The following PGAM5 variants were observed in gnomAD, a reference collection of about 807,000 sequenced individuals.
PGAM5 encodes serine/threonine-protein phosphatase PGAM5, mitochondrial.
A neutral mutation model predicts 30.6 loss-of-function variants in PGAM5; 25 were observed. That is an observed-to-expected ratio of 0.82 (90% confidence interval 0.60 to 1.14). The LOEUF is 1.14. Among genes scored for constraint, PGAM5 ranks in the 50% most tolerant of loss-of-function variants. PGAM5 has a pLI of 0.00. For missense variants in PGAM5, 384 were observed against 408.5 expected, an observed-to-expected ratio of 0.94 and a Z score of 0.52; for synonymous variants, 201 against 179.1, an observed-to-expected ratio of 1.12 and a Z score of -0.98.
intron 1 of PGAM5, among the ~76,000 whole-genome samples, chr12:132,713,192 G>A (rs1412824949): frequency 1.3e-5 from 2 of 152,092 alleles, no homozygotes; most frequent in African/African-American, 2.4e-5. Flanking sequence ...AAGTAGAACC[G>A]GGAGCTGAGC....
rs1320973145 is a variant in PGAM5 at position 132,710,921 on chromosome 12, CG to C, written c.50del (p.Gly17AlafsTer12). On this transcript the variant is annotated frameshift_variant, in exon 1 of 6. Transcript: ENST00000498926. LOFTEE classifies it high-confidence loss of function. ...ALQLAACGLA[G>X]GSAAVLFSAV... Reference sequence around the variant, plus strand: ...TGCAGCTGGCGGCCTGCGGGCTGGCCGGGGGCTCGGCCGCCGTGCTCTTCTC... The same window carrying C: ...TGCAGCTGGCGGCCTGCGGGCTGGCCGGGGCTCGGCCGCCGTGCTCTTCTC... The C allele has an allele frequency of 6.9e-6, 8 of 1,156,750 alleles. No homozygotes were observed. The highest frequency in any genetic ancestry group is 8.4e-5 in the East Asian group (2 of 23,708). The allele number at this position is 1,156,750 out of a possible 1,614,324, so 71.7% of individuals were successfully genotyped here. A position where few individuals can be genotyped will look rare whatever the true frequency, so the allele number is the denominator to read the frequency against.
In PGAM5 at chr12:132,717,813, G is replaced by A. The variant is rs773948322; in HGVS notation, c.585+15G>A. The A allele has an allele frequency of 2.5e-6, 4 of 1,577,464 alleles. No individual in the cohort carries two copies. Among genetic ancestry groups the A allele is most frequent in the Non-Finnish European group, 1.7e-6 (2 of 1,162,386 alleles). On this transcript the variant is annotated intron_variant, in intron 4 of 5. Coordinates refer to ENST00000498926, the MANE Select transcript of PGAM5 (RefSeq NM_001170543.2). ...CGGAAGCTGTGGTAAAAACCTCCCC[G>A]GGGGGCAGCTGTGTCACCCTCGCCT...
intron 2 of PGAM5, among the ~76,000 whole-genome samples, chr12:132,715,464 G>C (rs1041796572): frequency 6.7e-5 from 10 of 149,424 alleles, no homozygotes; most frequent in Admixed American, 2.0e-4. Context: ...CCAGCTACTC[G>C]GGAAGCTGAG....
chr12:132,716,321 G>A (rs1304748757), intron 2 of PGAM5, among the ~76,000 whole-genome samples: 1 of 151,962 alleles, frequency 6.6e-6, no homozygotes, highest in Non-Finnish European at 1.5e-5. Flanking sequence ...TCCTGACCTT[G>A]TGATCCACCC....
chr12:132,714,694 A>C, intron 1 of PGAM5, 164 bp from the exon 2 acceptor site: 1 of 681,712 alleles, frequency 1.5e-6, no homozygotes, highest in Non-Finnish European at 2.4e-6. Context: ...TGGGAGGGAG[A>C]GTGGCGGTAT....
intron 5 of PGAM5, among the ~76,000 whole-genome samples, chr12:132,719,546 A>G (rs773309492): frequency 6.6e-6 from 1 of 152,114 alleles, no homozygotes; most frequent in African/African-American, 2.4e-5. Context: ...AATGAGCCAT[A>G]TGGGTGGCTT....
intron 5 of PGAM5, chr12:132,719,146 C>T (rs1474100060): frequency 3.9e-6 from 5 of 1,292,752 alleles, no homozygotes; most frequent in Non-Finnish European, 4.9e-6. Flanking sequence ...CCAAATCTCA[C>T]TAAATGCAAA....
At chr12:132,720,195 C>A (rs114861484) in intron 5 of PGAM5, among the ~76,000 whole-genome samples, 4,540 of 151,714 alleles carry the variant, frequency 0.03, 226 homozygotes, top group African/African-American at 0.1. Flanking sequence ...TGTACCCCGG[C>A]CCTGAGGCTG....
chr12:132,711,153 AGGTTGCGATCG>A, intron 1 of PGAM5, 86 bp downstream of exon 1: 1 of 1,032,660 alleles, frequency 9.7e-7, no homozygotes, highest in Non-Finnish European at 1.2e-6. Flanking sequence ...ACCAGGTTTA[AGGTTGCGATCG>A]GGTCGGGATC....
chr12:132,717,218 C>G lies in PGAM5; in HGVS notation c.371-221C>G, dbSNP rs540532992. Among the ~76,000 whole-genome samples, 15 of 152,204 alleles carry G rather than the reference C, an allele frequency of 9.9e-5. No homozygotes were observed. The East Asian group carries it at 2.9e-3, about 29-fold the overall frequency. ...GGGGGTGAAGACAGTTGAGTGCCGG[C>G]CCCTCTGGCCCAAGCCTCGGGCGGG... On this transcript the variant is annotated intron_variant, in intron 2 of 5. Transcript: ENST00000498926.
At chr12:132,712,668 C>G (rs1443072788) in intron 1 of PGAM5, among the ~76,000 whole-genome samples, 1 of 151,748 alleles carries the variant, frequency 6.6e-6, no homozygotes, top group Non-Finnish European at 1.5e-5. Flanking sequence ...GTCGGTCAGG[C>G]TGGTCTTGAA....
chr12:132,712,549 C>A lies in PGAM5; in HGVS notation c.191+1482C>A, dbSNP rs561423761. ...TCGGCTCACTGCAACCTCCGCCTCC[C>A]GGGTTCAAGCAATTCTCCTGCCTCA... On this transcript the variant is annotated intron_variant, in intron 1 of 5. Transcript: ENST00000498926. Among the ~76,000 whole-genome samples, 29 of 152,242 alleles carry A rather than the reference C, an allele frequency of 1.9e-4. 1 individual carries two copies. The South Asian group carries it at 3.9e-3, about 21-fold the overall frequency.
intron 1 of PGAM5, 85 bp from the exon 2 acceptor site, chr12:132,714,773 T>G: frequency 1.4e-6 from 2 of 1,480,802 alleles, no homozygotes; most frequent in Non-Finnish European, 1.9e-6. Context: ...CCAAATAGTC[T>G]GACAATTTGG....
At chr12:132,711,830 T>C (rs1448326235) in intron 1 of PGAM5, 1 of 152,188 alleles carries the variant, frequency 6.6e-6, no homozygotes, top group Non-Finnish European at 1.5e-5. Context: ...ATTAGTTATG[T>C]GTTGAAATAG....
rs151134157 is a variant in PGAM5 at position 132,717,812 on chromosome 12, CG to C, written c.585+20del. 5.1e-6 allele frequency: 8 copies of C among 1,578,286 alleles called. No homozygotes were observed. The highest frequency in any genetic ancestry group is 1.8e-5 in the Admixed American group (1 of 54,588). On this transcript the variant is annotated intron_variant, in intron 4 of 5. Transcript: ENST00000498926. ...CCGGAAGCTGTGGTAAAAACCTCCC[CG>C]GGGGGCAGCTGTGTCACCCTCGCCT...
rs1038157502 is a variant in PGAM5 at position 132,721,276 on chromosome 12, T to C, written c.*448T>C. The C allele has an allele frequency of 1.3e-5, 2 of 153,368 alleles. No homozygotes were observed. Among genetic ancestry groups the C allele is most frequent in the Non-Finnish European group, 2.9e-5 (2 of 68,860 alleles). The allele number at this position is 153,368 out of a possible 1,614,324, so 9.5% of individuals were successfully genotyped here. ...CTTTTAATTTCTTAAAACCCTCTTG[T>C]CCCTTAAATATTTGTCAATTAAAGA... On this transcript the variant is annotated 3_prime_UTR_variant, in exon 6 of 6. Transcript: ENST00000498926.
Position 132,711,190 on chromosome 12 carries a change from C to T in PGAM5, c.191+123C>T, listed in dbSNP as rs1198846093. On this transcript the variant is annotated intron_variant, in intron 1 of 5. Transcript: ENST00000498926. ...GGTCGGGATCTGGGGTCGCCGTCTG[C>T]TTTCCCCAGCGGAGGAGCCGCTTTC... is the stretch of plus-strand genomic sequence containing the variant. 8 of 777,298 alleles carry T rather than the reference C, an allele frequency of 1.0e-5. No individual in the cohort carries two copies. The South Asian group carries it at 1.9e-4, about 19-fold the overall frequency. 48.2% of individuals were successfully genotyped at this position (777,298 alleles called of 1,614,324 possible).
At chr12:132,717,074 T>G (rs1371734342) in intron 2 of PGAM5, among the ~76,000 whole-genome samples, 1 of 152,056 alleles carries the variant, frequency 6.6e-6, no homozygotes, top group African/African-American at 2.4e-5. Context: ...TTGGACACAG[T>G]TGAGTGAGGG....
chr12:132,717,357 CGT>C (rs1265248142), intron 2 of PGAM5, 80 bp from the exon 3 acceptor site: 33 of 1,162,166 alleles, frequency 2.8e-5, no homozygotes, highest in South Asian at 1.0e-4. Flanking sequence ...TGGAGGAGGG[CGT>C]GTTTGCGGGC....
Sources: allele counts gnomAD v4.1 joint callset (sites outside exome capture counted in the v4.1 genomes callset), GRCh38; gene constraint gnomAD v4.1.1; transcripts MANE v1.5; gene names NCBI Gene and HGNC (gene_info 2026-07-23, HGNC 2026-07-21).